RNGTT: variants seen among roughly 807,000 people sequenced by gnomAD.
RNGTT encodes mRNA-capping enzyme.
RNGTT carries 33 observed loss-of-function variants against 79.3 expected under a neutral mutation model. The ratio of observed to expected loss-of-function variants is 0.42; its 90% confidence interval spans 0.32 to 0.56. The LOEUF is 0.56. Ranked by LOEUF, RNGTT falls within the 20% of genes least tolerant of loss-of-function variation. RNGTT has a pLI of 0.17. For missense variants in RNGTT, 497 were observed against 739.1 expected, an observed-to-expected ratio of 0.67 and a Z score of 3.80; for synonymous variants, 222 against 235.9, an observed-to-expected ratio of 0.94 and a Z score of 0.54.
At position 88,924,601 on chromosome 6, in the gene RNGTT, C is replaced by T. The variant is rs538907718; in HGVS notation, c.367+4384G>A. Among the ~76,000 whole-genome samples, 9 of 152,282 alleles carry T rather than the reference C, an allele frequency of 5.9e-5. No homozygotes were observed. The South Asian group carries it at 1.9e-3, about 32-fold the overall frequency. The stretch of plus-strand genomic sequence containing the variant: ...TCAGCCTCTCAAGTAGCTGGGATTA[C>T]AGGCATGTGCCACCAAGCCAGACCC... On this transcript the variant is annotated intron_variant, in intron 4 of 15. Transcript: ENST00000369485.
At chr6:88,786,257 A>T (rs1012253691) in intron 12 of RNGTT, among the ~76,000 whole-genome samples, 1 of 152,154 alleles carries the variant, frequency 6.6e-6, no homozygotes, top group Admixed American at 6.5e-5. Flanking sequence ...AAAGGTTAAA[A>T]ATTAATGTTA....
chr6:88,641,081 CTGT>C (rs1274240394), intron 14 of RNGTT, among the ~76,000 whole-genome samples: 527 of 152,262 alleles, frequency 3.5e-3, no homozygotes, highest in African/African-American at 0.012. Context: ...TGGCTCATGC[CTGT>C]AATCCCAGTA....
intron 14 of RNGTT, 152 bp from the exon 15 acceptor site, chr6:88,614,547 A>G: frequency 1.4e-6 from 1 of 706,204 alleles, no homozygotes; most frequent in East Asian, 2.7e-5. Context: ...AATCAAGCTT[A>G]AGGTATGGTG....
chr6:88,862,664 A>G (rs1322583452), intron 8 of RNGTT, among the ~76,000 whole-genome samples: 1 of 152,180 alleles, frequency 6.6e-6, no homozygotes, highest in Non-Finnish European at 1.5e-5. Flanking sequence ...CTGTGTCTGA[A>G]GAGGGGGCAG....
intron 2 of RNGTT, among the ~76,000 whole-genome samples, chr6:88,936,564 G>A (rs1246657107): frequency 1.3e-5 from 2 of 152,146 alleles, no homozygotes; most frequent in African/African-American, 2.4e-5. Context: ...TGCCTAGTTT[G>A]TTGAGAGTTT....
intron 13 of RNGTT, among the ~76,000 whole-genome samples, chr6:88,686,851 G>A (rs1160311292): frequency 6.6e-6 from 1 of 151,840 alleles, no homozygotes; most frequent in Non-Finnish European, 1.5e-5. Flanking sequence ...CAAATGGATT[G>A]GGAATCTAAG....
chr6:88,908,049 T>C (rs1783713197), intron 4 of RNGTT, among the ~76,000 whole-genome samples: 1 of 152,170 alleles, frequency 6.6e-6, no homozygotes, highest in Non-Finnish European at 1.5e-5. Context: ...CTTTCTAATA[T>C]TACCTTCTAC....
chr6:88,877,637 C>T (rs892434138), intron 8 of RNGTT, among the ~76,000 whole-genome samples: 9 of 152,170 alleles, frequency 5.9e-5, no homozygotes, highest in African/African-American at 2.2e-4. Context: ...AGCATTACTG[C>T]TTTTATCTGT....
At chr6:88,886,061 T>C (rs1311858834) in intron 8 of RNGTT, among the ~76,000 whole-genome samples, 1 of 152,142 alleles carries the variant, frequency 6.6e-6, no homozygotes, top group Non-Finnish European at 1.5e-5. Flanking sequence ...ATCCCAGCAC[T>C]TTGGGAGGCC....
At chr6:88,863,417 G>A (rs1782074607) in intron 8 of RNGTT, among the ~76,000 whole-genome samples, 1 of 152,122 alleles carries the variant, frequency 6.6e-6, no homozygotes, top group South Asian at 2.1e-4. Context: ...AAAGTCGACA[G>A]TCAAAAGACT....
chr6:88,768,248 C>T (rs749722396), intron 13 of RNGTT, among the ~76,000 whole-genome samples: 9 of 151,596 alleles, frequency 5.9e-5, no homozygotes, highest in Non-Finnish European at 1.2e-4. Context: ...TAGCTGGAAC[C>T]ACAGGCATGC....
chr6:88,728,315 C>T (rs1300290328), intron 13 of RNGTT, among the ~76,000 whole-genome samples: 1 of 152,204 alleles, frequency 6.6e-6, no homozygotes, highest in African/African-American at 2.4e-5. Flanking sequence ...CAGAAAAGTA[C>T]CTCTGTCCCT....
In RNGTT at chr6:88,727,643, T is replaced by C. The variant is rs576110611; in HGVS notation, c.1439+42131A>G. Reference sequence around the variant, plus strand: ...TAATATAAAGGTGAAATTTAGCTTATCTGGTATAAAAATCATACAGGAAGC... The same window carrying C: ...TAATATAAAGGTGAAATTTAGCTTACCTGGTATAAAAATCATACAGGAAGC... On this transcript the variant is annotated intron_variant, in intron 13 of 15. Transcript: ENST00000369485. 2.0e-5 allele frequency among the ~76,000 whole-genome samples: 3 copies of C among 152,326 alleles called. No homozygotes were observed. The East Asian group carries it at 5.8e-4, about 29-fold the overall frequency.
chr6:88,916,390 T>C (rs1783999984), intron 4 of RNGTT, among the ~76,000 whole-genome samples: 1 of 152,142 alleles, frequency 6.6e-6, no homozygotes, highest in Non-Finnish European at 1.5e-5. Context: ...AGAGGATCGC[T>C]TGAGTCCAGG....
chr6:88,719,787 G>C (rs1048324757), intron 13 of RNGTT, among the ~76,000 whole-genome samples: 8 of 152,198 alleles, frequency 5.3e-5, no homozygotes, highest in Middle Eastern at 3.4e-3. Flanking sequence ...GAAGTTCTCA[G>C]GGTACTTGTA....
At chr6:88,891,410 A>T (rs1368016457) in intron 7 of RNGTT, among the ~76,000 whole-genome samples, 1 of 152,138 alleles carries the variant, frequency 6.6e-6, no homozygotes, top group Non-Finnish European at 1.5e-5. Flanking sequence ...TTTTCAAGTC[A>T]TGGCATTCAC....
intron 12 of RNGTT, among the ~76,000 whole-genome samples, chr6:88,799,467 G>A (rs376476286): frequency 2.6e-5 from 4 of 152,070 alleles, no homozygotes; most frequent in Non-Finnish European, 4.4e-5. Flanking sequence ...GGGAGGCCAA[G>A]GTAGGCGGAT....
chr6:88,679,187 T>C (rs1218649074), intron 13 of RNGTT, among the ~76,000 whole-genome samples: 4 of 152,168 alleles, frequency 2.6e-5, no homozygotes, highest in South Asian at 2.1e-4. Flanking sequence ...CAAATACCTA[T>C]AACCTTAACA....
intron 6 of RNGTT, among the ~76,000 whole-genome samples, chr6:88,898,989 A>C (rs1320799345): frequency 1.3e-5 from 2 of 151,746 alleles, no homozygotes; most frequent in Non-Finnish European, 2.9e-5. Flanking sequence ...AAGGATTATA[A>C]GTTTTCTTTC....
Sources: gnomAD v4.1 joint callset for allele counts (sites outside exome capture counted in the v4.1 genomes callset) on GRCh38, gnomAD v4.1.1 for gene constraint, MANE v1.5 for transcripts, NCBI Gene and HGNC (gene_info 2026-07-23, HGNC 2026-07-21) for gene names.